Variants in ARHGAP15 observed in about 807,000 individuals in gnomAD.
ARHGAP15 encodes rho GTPase-activating protein 15.
Under a neutral mutation model 63.7 loss-of-function variants are expected in ARHGAP15, and 51 were observed. The ratio of observed to expected loss-of-function variants is 0.80; its 90% confidence interval spans 0.64 to 1.01. ARHGAP15 has a LOEUF of 1.01. Ranked by LOEUF, ARHGAP15 falls within the 50% of genes least tolerant of loss-of-function variation. The pLI is 0.00. For synonymous variants in ARHGAP15, 191 were observed against 193.8 expected, an observed-to-expected ratio of 0.99 and a Z score of 0.12; for missense variants, 560 against 564.6, an observed-to-expected ratio of 0.99 and a Z score of 0.08.
chr2:143,583,404 T>C (rs538988838), intron 11 of ARHGAP15, among the ~76,000 whole-genome samples: 1 of 152,336 alleles, frequency 6.6e-6, no homozygotes, highest in South Asian at 2.1e-4. Context: ...TTTTATTGTA[T>C]AACATTGTCA....
intron 6 of ARHGAP15, among the ~76,000 whole-genome samples, chr2:143,391,082 G>C (rs961247817): frequency 5.3e-5 from 8 of 152,178 alleles, no homozygotes; most frequent in African/African-American, 1.9e-4. Context: ...AAAAGGTAAA[G>C]AAGGGCATAG....
chr2:143,470,936 G>GTA (rs1434736340), intron 8 of ARHGAP15, among the ~76,000 whole-genome samples: 1 of 144,376 alleles, frequency 6.9e-6, no homozygotes, highest in Non-Finnish European at 1.5e-5. Context: ...GTGTATATAT[G>GTA]TGTGTATATA....
At chr2:143,150,005 G>A (rs1359813902) in intron 1 of ARHGAP15, among the ~76,000 whole-genome samples, 1 of 151,904 alleles carries the variant, frequency 6.6e-6, no homozygotes, top group Non-Finnish European at 1.5e-5. Context: ...CATACACAAT[G>A]TCCACTTGAT....
chr2:143,463,105 TTGTTAG>T (rs1250982779), intron 8 of ARHGAP15, among the ~76,000 whole-genome samples: 6 of 152,250 alleles, frequency 3.9e-5, no homozygotes, highest in African/African-American at 7.2e-5. Context: ...TCATCAACTA[TTGTTAG>T]TGTTAGTGTA....
intron 10 of ARHGAP15, among the ~76,000 whole-genome samples, chr2:143,520,240 A>G (rs904925613): frequency 9.2e-5 from 14 of 152,174 alleles, no homozygotes; most frequent in Non-Finnish European, 1.9e-4. Flanking sequence ...CAATAGAACC[A>G]AGGGGAAAAA....
intron 6 of ARHGAP15, among the ~76,000 whole-genome samples, chr2:143,322,508 T>A (rs1027775956): frequency 1.3e-5 from 2 of 152,148 alleles, no homozygotes; most frequent in Non-Finnish European, 2.9e-5. Context: ...TCCTACTAAA[T>A]GTAGAAATAC....
chr2:143,265,708 C>G (rs548878990), intron 6 of ARHGAP15, among the ~76,000 whole-genome samples: 1 of 152,158 alleles, frequency 6.6e-6, no homozygotes, highest in Admixed American at 6.5e-5. Flanking sequence ...GGTGAACATG[C>G]AATTCTTAGA....
intron 13 of ARHGAP15, among the ~76,000 whole-genome samples, chr2:143,717,633 C>G (rs1214058332): frequency 6.6e-6 from 1 of 152,184 alleles, no homozygotes; most frequent in Non-Finnish European, 1.5e-5. Context: ...ACAAAACATT[C>G]CATCCGAGTC....
intron 2 of ARHGAP15, among the ~76,000 whole-genome samples, chr2:143,198,907 T>C (rs1691994998): frequency 6.6e-6 from 1 of 152,142 alleles, no homozygotes; most frequent in Non-Finnish European, 1.5e-5. Flanking sequence ...GGGAATCTAG[T>C]TGGGTTTTAA....
intron 6 of ARHGAP15, among the ~76,000 whole-genome samples, chr2:143,303,459 A>G (rs989451802): frequency 6.6e-6 from 1 of 152,068 alleles, no homozygotes; most frequent in African/African-American, 2.4e-5. Context: ...CTTATATAAA[A>G]ATTAATTCAA....
At chr2:143,620,933 A>G (rs994968238) in intron 11 of ARHGAP15, among the ~76,000 whole-genome samples, 1 of 152,234 alleles carries the variant, frequency 6.6e-6, no homozygotes, top group African/African-American at 2.4e-5. Flanking sequence ...TCAAGGTCAT[A>G]TTAAGGAAAT....
chr2:143,409,740 G>A (rs1688367458), intron 6 of ARHGAP15, among the ~76,000 whole-genome samples: 1 of 152,052 alleles, frequency 6.6e-6, no homozygotes, highest in Non-Finnish European at 1.5e-5. Context: ...ACAATTGCCT[G>A]TAGTGTTCAG....
intron 6 of ARHGAP15, among the ~76,000 whole-genome samples, chr2:143,353,160 C>A (rs550046167): frequency 5.9e-5 from 9 of 152,072 alleles, no homozygotes; most frequent in East Asian, 1.9e-4. Context: ...GGCCTGGTGG[C>A]ACATGTTTGT....
In ARHGAP15 at chr2:143,223,129, A is replaced by G. The variant is rs192563550; in HGVS notation, c.297-5452A>G. Reference sequence around the variant, plus strand: ...GTAGCTGGGATTACAGACACCCACCACCATGCCCATCTAATTTTCTGTTTT... The same window carrying G: ...GTAGCTGGGATTACAGACACCCACCGCCATGCCCATCTAATTTTCTGTTTT... On this transcript the variant is annotated intron_variant, in intron 4 of 13. Transcript: ENST00000295095. Among the ~76,000 whole-genome samples, 17 of 152,116 alleles carry G rather than the reference A, an allele frequency of 1.1e-4. No homozygotes were observed. In the East Asian group the frequency reaches 3.3e-3, roughly 29 times the overall value.
At chr2:143,370,413 G>T (rs1686497551) in intron 6 of ARHGAP15, among the ~76,000 whole-genome samples, 1 of 152,104 alleles carries the variant, frequency 6.6e-6, no homozygotes, top group Non-Finnish European at 1.5e-5. Context: ...ACGAGTTAGT[G>T]GGTGCAGCGC....
chr2:143,574,294 C>T (rs1696580863), intron 11 of ARHGAP15, among the ~76,000 whole-genome samples: 1 of 152,042 alleles, frequency 6.6e-6, no homozygotes, highest in South Asian at 2.1e-4. Context: ...ACCCAAGTTT[C>T]CAATATACAA....
At chr2:143,536,965 G>T (rs538329479) in intron 10 of ARHGAP15, among the ~76,000 whole-genome samples, 31 of 152,196 alleles carry the variant, frequency 2.0e-4, no homozygotes, top group African/African-American at 7.5e-4. Context: ...TTCCACAATG[G>T]TTGAACTAGT....
At chr2:143,746,540 G>T (rs1686172428) in intron 13 of ARHGAP15, among the ~76,000 whole-genome samples, 1 of 152,118 alleles carries the variant, frequency 6.6e-6, no homozygotes, top group Admixed American at 6.5e-5. Context: ...TTTTGGGTGA[G>T]AAAAAGCTTA....
At chr2:143,409,722 A>G (rs1688366603) in intron 6 of ARHGAP15, among the ~76,000 whole-genome samples, 1 of 152,092 alleles carries the variant, frequency 6.6e-6, no homozygotes, top group African/African-American at 2.4e-5. Flanking sequence ...AATACTTACC[A>G]TTATGCTACA....
Sources: gnomAD v4.1 joint callset for allele counts (sites outside exome capture counted in the v4.1 genomes callset) on GRCh38, gnomAD v4.1.1 for gene constraint, MANE v1.5 for transcripts, NCBI Gene and HGNC (gene_info 2026-07-23, HGNC 2026-07-21) for gene names.